The following CSMD1 variants were observed in gnomAD, a reference collection of about 807,000 sequenced individuals.
CSMD1 encodes CUB and Sushi multiple domains 1.
CSMD1 carries 213 observed loss-of-function variants against 417.5 expected under a neutral mutation model. That is an observed-to-expected ratio of 0.51 (90% CI 0.46 to 0.57). The LOEUF is 0.57. Ranked by LOEUF, CSMD1 falls within the 20% of genes least tolerant of loss-of-function variation. CSMD1 has a pLI of 0.00. For synonymous variants in CSMD1, 2,862 were observed against 1,736.8 expected (o/e 1.65, Z -16.11); for missense variants, 6,923 against 4,529.7 (o/e 1.53, Z -15.17).
chr8:3,651,850 C>T (rs1015862159), intron 7 of CSMD1, among the ~76,000 whole-genome samples: 2 of 147,342 alleles, frequency 1.4e-5, no homozygotes, highest in African/African-American at 5.1e-5. Flanking sequence ...CCCACCATCG[C>T]ACTTACCACC....
chr8:4,228,573 C>T (rs1369269091), intron 3 of CSMD1, among the ~76,000 whole-genome samples: 1 of 145,336 alleles, frequency 6.9e-6, no homozygotes, highest in African/African-American at 2.5e-5. Context: ...CTTGGCAATT[C>T]TCTTCTCTGT....
chr8:3,570,859 G>C (rs1303967305), intron 10 of CSMD1, among the ~76,000 whole-genome samples: 1 of 152,170 alleles, frequency 6.6e-6, no homozygotes, highest in East Asian at 1.9e-4. Context: ...TCTCTGTCAA[G>C]TAGTAAAAGG....
intron 6 of CSMD1, among the ~76,000 whole-genome samples, chr8:3,739,108 G>A (rs58183906): frequency 6.6e-6 from 1 of 151,814 alleles, no homozygotes; most frequent in Non-Finnish European, 1.5e-5. Context: ...TATTCTATAA[G>A]TTTACATTTT....
At chr8:4,085,697 C>T (rs955294566) in intron 3 of CSMD1, among the ~76,000 whole-genome samples, 3 of 151,970 alleles carry the variant, frequency 2.0e-5, no homozygotes, top group African/African-American at 7.3e-5. Flanking sequence ...TAATATGATC[C>T]CAAATTGTTA....
chr8:4,832,004 C>T (rs1278684115), intron 1 of CSMD1, among the ~76,000 whole-genome samples: 2 of 152,190 alleles, frequency 1.3e-5, no homozygotes, highest in East Asian at 3.9e-4. Flanking sequence ...CACATAGTCA[C>T]TTTCAAAAGG....
intron 1 of CSMD1, among the ~76,000 whole-genome samples, chr8:4,763,331 A>G (rs199907076): frequency 6.6e-6 from 1 of 152,160 alleles, no homozygotes; most frequent in Non-Finnish European, 1.5e-5. Context: ...CTCATCCCCA[A>G]TTATCACAGC....
chr8:4,299,677 A>T (rs1797875832), intron 3 of CSMD1, among the ~76,000 whole-genome samples: 1 of 152,162 alleles, frequency 6.6e-6, no homozygotes, highest in African/African-American at 2.4e-5. Context: ...TTCTGTCGCC[A>T]GGCTGGATGC....
At chr8:4,374,956 T>C (rs1213003407) in intron 3 of CSMD1, among the ~76,000 whole-genome samples, 1 of 808 alleles carries the variant, frequency 1.2e-3, no homozygotes, top group African/African-American at 5.2e-3. Context: ...CAGACAAAGG[T>C]GGGGTGGGGG....
intron 1 of CSMD1, among the ~76,000 whole-genome samples, chr8:4,980,414 G>C (rs1446269552): frequency 2.6e-5 from 4 of 152,188 alleles, no homozygotes; most frequent in Admixed American, 2.0e-4. Flanking sequence ...GTCTGGTCTT[G>C]TGTGTGTGGG....
At chr8:3,058,827 C>T (rs944625348) in intron 49 of CSMD1, among the ~76,000 whole-genome samples, 2 of 151,942 alleles carry the variant, frequency 1.3e-5, no homozygotes, top group African/African-American at 2.4e-5. Flanking sequence ...TATATAATTC[C>T]CCTGCTGAGT....
At chr8:2,977,920 A>G (rs929812626) in intron 55 of CSMD1, among the ~76,000 whole-genome samples, 4 of 152,176 alleles carry the variant, frequency 2.6e-5, no homozygotes, top group African/African-American at 9.7e-5. Context: ...AAAAGTCAAG[A>G]AACAACAGAT....
intron 3 of CSMD1, among the ~76,000 whole-genome samples, chr8:4,141,898 A>C (rs758835559): frequency 6.6e-6 from 1 of 151,172 alleles, no homozygotes; most frequent in African/African-American, 2.5e-5. Flanking sequence ...GAAAGAAAAC[A>C]TGAGAACTTC....
At chr8:3,923,972 A>C (rs1276404435) in intron 5 of CSMD1, among the ~76,000 whole-genome samples, 1 of 152,200 alleles carries the variant, frequency 6.6e-6, no homozygotes, top group Non-Finnish European at 1.5e-5. Context: ...TCTGAATTTG[A>C]CTATACACTT....
intron 4 of CSMD1, among the ~76,000 whole-genome samples, chr8:4,024,201 G>A (rs1015258517): frequency 6.6e-6 from 1 of 152,110 alleles, no homozygotes; most frequent in African/African-American, 2.4e-5. Flanking sequence ...CAGATAGTAA[G>A]AAGACATGGG....
At chr8:3,482,363 G>C (rs760789039) in intron 11 of CSMD1, among the ~76,000 whole-genome samples, 1 of 152,054 alleles carries the variant, frequency 6.6e-6, no homozygotes, top group Non-Finnish European at 1.5e-5. Flanking sequence ...ATAAAAAGCA[G>C]GAGTGCCTAT....
At chr8:4,874,982 C>A (rs927527203) in intron 1 of CSMD1, among the ~76,000 whole-genome samples, 5 of 151,248 alleles carry the variant, frequency 3.3e-5, no homozygotes, top group African/African-American at 1.2e-4. Context: ...TTATTTCCTT[C>A]TTTCCCTTCC....
At chr8:4,000,080 C>T (rs753389111) in intron 4 of CSMD1, among the ~76,000 whole-genome samples, 1 of 152,256 alleles carries the variant, frequency 6.6e-6, no homozygotes, top group African/African-American at 2.4e-5. Flanking sequence ...TTCCTGTGCC[C>T]ACTACCAAAT....
chr8:4,915,145 A>G (rs1174078341), intron 1 of CSMD1, among the ~76,000 whole-genome samples: 1 of 152,186 alleles, frequency 6.6e-6, no homozygotes, highest in Non-Finnish European at 1.5e-5. Flanking sequence ...AGAAAATGGA[A>G]TACGCATGCT....
At chr8:4,566,279 T>G (rs73184937) in intron 2 of CSMD1, among the ~76,000 whole-genome samples, 13,746 of 152,168 alleles carry the variant, frequency 0.09, 715 homozygotes, top group South Asian at 0.13. Context: ...ATCTAGTAAG[T>G]TATTGACAAA....
Sources: gnomAD v4.1 joint callset for allele counts (sites outside exome capture counted in the v4.1 genomes callset) on GRCh38, gnomAD v4.1.1 for gene constraint, MANE v1.5 for transcripts, NCBI Gene and HGNC (gene_info 2026-07-23, HGNC 2026-07-21) for gene names.